The following BICC1 variants were observed in gnomAD, a reference collection of about 807,000 sequenced individuals.
BICC1 encodes BicC family RNA binding protein 1.
A neutral mutation model predicts 111.0 loss-of-function variants in BICC1; 43 were observed. That is an observed-to-expected ratio of 0.39 (90% CI 0.30 to 0.50). BICC1 has a LOEUF of 0.50. BICC1 is among the 20% of genes least tolerant of loss of function. The probability of loss-of-function intolerance (pLI) is 0.88; values close to 1 mark genes in which losing one functional copy is unlikely to be tolerated. For synonymous variants in BICC1, 467 were observed against 434.4 expected (o/e 1.07, Z -0.93); for missense variants, 1,091 against 1,203.2 (o/e 0.91, Z 1.38).
rs779873399 is a variant in BICC1, at chr10:58,513,266, G to A, written c.123G>A (p.Leu41=). The change falls in exon 1 of 21, where the codon CTG becomes CTA. Residue 41 remains leucine, a synonymous_variant. Transcript: ENST00000373886. ...SEDDLVAGAT[L]HSPEWSEERF... is the part of the protein sequence containing the mutation. The stretch of plus-strand genomic sequence containing the variant: ...ACGACTTGGTCGCCGGGGCGACCCT[G>A]CACAGCCCGGAGTGGAGCGAGGAGC... 1.1e-5 allele frequency: 17 copies of A among 1,612,952 alleles called. No individual in the cohort carries two copies. Among genetic ancestry groups the A allele is most frequent in the Non-Finnish European group, 1.4e-5 (17 of 1,179,560 alleles).
At chr10:58,769,303 CACACAT>C (rs1470298944) in intron 3 of BICC1, among the ~76,000 whole-genome samples, 1 of 147,276 alleles carries the variant, frequency 6.8e-6, no homozygotes, top group African/African-American at 2.6e-5. Context: ...CACACACACA[CACACAT>C]GCACACGCAC....
chr10:58,542,166 A>AAC (rs982414805), intron 1 of BICC1, among the ~76,000 whole-genome samples: 12 of 145,350 alleles, frequency 8.3e-5, no homozygotes, highest in Admixed American at 2.0e-4. Context: ...AAAAAAAAAA[A>AAC]CAAAAAAAAA....
chr10:58,732,218 T>G (rs1841320861), intron 3 of BICC1, among the ~76,000 whole-genome samples: 1 of 149,522 alleles, frequency 6.7e-6, no homozygotes, highest in Non-Finnish European at 1.5e-5. Context: ...TTAGTATTGT[T>G]CTTTCTTAGG....
At chr10:58,818,586 C>T (rs1331870786) in intron 19 of BICC1, among the ~76,000 whole-genome samples, 1 of 152,080 alleles carries the variant, frequency 6.6e-6, no homozygotes, top group East Asian at 1.9e-4. Flanking sequence ...ATTCAATGTA[C>T]TGCCCATGGT....
In BICC1 at chr10:58,661,888, A is replaced by G. The variant is rs1588987551; in HGVS notation, c.238-40186A>G. On this transcript the variant is annotated intron_variant, in intron 2 of 20. Transcript: ENST00000373886. The stretch of plus-strand genomic sequence containing the variant: ...TAAAAGATGAAATCAAGAAAGTAAA[A>G]TCAGAAAAATTCGAGTGTAGGTTGA... 4.6e-5 allele frequency among the ~76,000 whole-genome samples: 7 copies of G among 152,362 alleles called. No individual in the cohort carries two copies. In the South Asian group the frequency reaches 1.4e-3, roughly 32 times the overall value.
intron 2 of BICC1, among the ~76,000 whole-genome samples, chr10:58,654,702 C>T (rs1838573619): frequency 1.4e-4 from 1 of 7,106 alleles, no homozygotes; most frequent in African/African-American, 1.6e-4. Flanking sequence ...TCCCATTTGT[C>T]AATGTTGTCT....
chr10:58,818,725 A>T (rs558310955), intron 19 of BICC1, among the ~76,000 whole-genome samples: 1 of 151,916 alleles, frequency 6.6e-6, no homozygotes, highest in South Asian at 2.1e-4. Context: ...GTTAGTGTTC[A>T]TTTAACCAAG....
intron 3 of BICC1, among the ~76,000 whole-genome samples, chr10:58,718,135 ACTATACCAAAATAC>A (rs1840807044): frequency 6.6e-6 from 1 of 152,130 alleles, no homozygotes; most frequent in South Asian, 2.1e-4. Flanking sequence ...CATTTTGGCT[ACTATACCAAAATAC>A]CTTAGCCTGA....
At chr10:58,602,176 C>G (rs1341425641) in intron 1 of BICC1, among the ~76,000 whole-genome samples, 2 of 152,022 alleles carry the variant, frequency 1.3e-5, no homozygotes, top group Admixed American at 6.6e-5. Context: ...TAGAACTGTT[C>G]AAGATAATAA....
intron 1 of BICC1, among the ~76,000 whole-genome samples, chr10:58,534,990 A>C (rs1449869890): frequency 6.6e-6 from 1 of 151,726 alleles, no homozygotes; most frequent in African/African-American, 2.4e-5. Context: ...AGTAGAAGAA[A>C]CAATTTCAGA....
chr10:58,805,432 G>A (rs764053993), intron 15 of BICC1, among the ~76,000 whole-genome samples: 1 of 152,188 alleles, frequency 6.6e-6, no homozygotes, highest in Admixed American at 6.5e-5. Context: ...TGTTGAACAA[G>A]TAAATTTAGG....
chr10:58,601,140 T>TAATATCTATATATATATA (rs1554810885), intron 1 of BICC1, among the ~76,000 whole-genome samples: 1 of 100,672 alleles, frequency 9.9e-6, no homozygotes, highest in African/African-American at 3.7e-5. Context: ...ATTTTAAAAC[T>TAATATCTATATATATATA]TATATATATA....
chr10:58,705,708 T>C (rs1840367062), intron 3 of BICC1, among the ~76,000 whole-genome samples: 1 of 152,216 alleles, frequency 6.6e-6, no homozygotes, highest in South Asian at 2.1e-4. Context: ...TAAACTTTTT[T>C]TAATTTTAGA....
intron 2 of BICC1, among the ~76,000 whole-genome samples, chr10:58,660,698 C>T (rs1432748696): frequency 6.6e-6 from 1 of 152,108 alleles, no homozygotes; most frequent in Non-Finnish European, 1.5e-5. Context: ...CTCCCATTAC[C>T]TCCCTTCCTT....
At chr10:58,528,575 T>A (rs1842604569) in intron 1 of BICC1, among the ~76,000 whole-genome samples, 1 of 151,890 alleles carries the variant, frequency 6.6e-6, no homozygotes, top group African/African-American at 2.4e-5. Context: ...AGAATAACCT[T>A]TTATGTTAGC....
At chr10:58,731,266 G>T (rs1477796980) in intron 3 of BICC1, among the ~76,000 whole-genome samples, 1 of 152,098 alleles carries the variant, frequency 6.6e-6, no homozygotes, top group Non-Finnish European at 1.5e-5. Flanking sequence ...CCTCATCTCC[G>T]TCTGAGACCT....
intron 1 of BICC1, among the ~76,000 whole-genome samples, chr10:58,533,018 T>G (rs750958428): frequency 1.3e-5 from 2 of 151,748 alleles, no homozygotes; most frequent in Non-Finnish European, 2.9e-5. Context: ...TTGTTAACTT[T>G]CTGGAGGGTC....
rs1397818298 is a variant in BICC1 at position 58,828,951 on chromosome 10, A to C, written c.*60A>C. On this transcript the variant is annotated 3_prime_UTR_variant, in exon 21 of 21. Coordinates refer to ENST00000373886, the MANE Select transcript of BICC1 (RefSeq NM_001080512.3). ...GTAAAGTGGACACAGGAGATGTATG[A>C]ACAGCCTTCACAGCACACCATCCTT... 28 of 1,600,854 alleles carry C rather than the reference A, an allele frequency of 1.7e-5. No homozygotes were observed. The highest frequency in any genetic ancestry group is 2.3e-5 in the Non-Finnish European group (27 of 1,172,654).
intron 16 of BICC1, 60 bp from the exon 17 acceptor site, chr10:58,806,944 G>T: frequency 6.9e-7 from 1 of 1,446,360 alleles, no homozygotes; most frequent in Non-Finnish European, 9.4e-7. Context: ...CTTATCATCA[G>T]TATTTTATTG....
Sources: allele counts gnomAD v4.1 joint callset (sites outside exome capture counted in the v4.1 genomes callset), GRCh38; gene constraint gnomAD v4.1.1; transcripts MANE v1.5; gene names NCBI Gene and HGNC (gene_info 2026-07-23, HGNC 2026-07-21).